Variants in TESMIN observed in about 807,000 individuals in gnomAD.
TESMIN encodes the protein testis expressed metallothionein like protein, also known as CXC domain containing 2.
A neutral mutation model predicts 47.4 loss-of-function variants in TESMIN; 34 were observed. The ratio of observed to expected loss-of-function variants is 0.72; its 90% CI spans 0.55 to 0.96. The LOEUF (loss-of-function observed/expected upper bound fraction) is 0.96, where lower values mean the gene tolerates loss of function less well. Among genes scored for constraint, TESMIN ranks in the 40% least tolerant of loss-of-function variants. The pLI is 0.00. For synonymous variants in TESMIN, 278 were observed against 258.9 expected, an observed-to-expected ratio of 1.07 and a Z score of -0.71; for missense variants, 610 against 637.2, an observed-to-expected ratio of 0.96 and a Z score of 0.46.
chr11:68,705,807 GA>G (rs1210228666), downstream of TESMIN, among the ~76,000 whole-genome samples: 19 of 152,136 alleles, frequency 1.2e-4, no homozygotes, highest in Non-Finnish European at 2.2e-4. Context: ...CGGATCACCT[GA>G]GATCAGGAGT....
At chr11:68,711,071 A>G (rs760729435) in intron 8 of TESMIN, 22 bp from the exon 9 acceptor site, 10 of 1,569,552 alleles carry the variant, frequency 6.4e-6, no homozygotes, top group Admixed American at 1.9e-5. Context: ...AAATGCTTCA[A>G]TAAAATTAGG....
In TESMIN at chr11:68,750,502, G is replaced by A; in HGVS notation, c.159C>T (p.Tyr53=). The change falls in exon 2 of 10, where the codon TAC becomes TAT. Residue 53 remains tyrosine (Y), a synonymous_variant. Transcript: ENST00000255087. ...GTTCCTTGGGGTCCGCCGGGCCCAGGTACGCTTCTTTGAAGACGTGGAACT... is the reference window on the plus strand; with the variant it reads ...GTTCCTTGGGGTCCGCCGGGCCCAGATACGCTTCTTTGAAGACGTGGAACT... ...EDEFHVFKEA[Y]LGPADPKEPV... 6.2e-7 allele frequency: 1 copy of A among 1,603,724 alleles called. No homozygotes were observed. The highest frequency in any genetic ancestry group is 1.1e-5 in the South Asian group (1 of 89,118).
At chr11:68,741,153 C>T (rs530409949) in intron 5 of TESMIN, among the ~76,000 whole-genome samples, 2 of 152,236 alleles carry the variant, frequency 1.3e-5, no homozygotes, top group South Asian at 2.1e-4. Context: ...ACAGGCTCAC[C>T]GTTCTCCTTG....
rs116299824 is a variant in TESMIN, at chr11:68,743,598, T to G, written c.752-1204A>C. Among the ~76,000 whole-genome samples the G allele has an allele frequency of 5.8e-3, 879 of 152,226 alleles. 10 individuals are homozygous for G. The highest frequency in any genetic ancestry group is 0.02 in the African/African-American group (820 of 41,522). On this transcript the variant is annotated intron_variant, in intron 4 of 9. Transcript: ENST00000255087. ...TTTTTCAAGTGGTTACTAAGTTGTT[T>G]GGATATAAATACTTACTAAGCTATT...
chr11:68,711,787 G>A (rs1419845510), intron 8 of TESMIN, among the ~76,000 whole-genome samples: 2 of 152,198 alleles, frequency 1.3e-5, no homozygotes, highest in African/African-American at 2.4e-5. Context: ...GACCTCTCCT[G>A]CTGCCTTGTG....
chr11:68,730,934 T>C (rs1160866893), intron 6 of TESMIN, among the ~76,000 whole-genome samples: 1 of 152,218 alleles, frequency 6.6e-6, no homozygotes, highest in Non-Finnish European at 1.5e-5. Context: ...TTCCCAACTT[T>C]TTATGGCTAC....
downstream of TESMIN, among the ~76,000 whole-genome samples, chr11:68,706,081 A>T (rs1487968475): frequency 6.6e-6 from 1 of 152,160 alleles, no homozygotes; most frequent in East Asian, 1.9e-4. Flanking sequence ...ACTCTCAAAT[A>T]AGAACATGAT....
chr11:68,738,031 G>A, intron 6 of TESMIN: 1 of 985,528 alleles, frequency 1.0e-6, no homozygotes, highest in Non-Finnish European at 1.2e-6. Flanking sequence ...AACGAATGGA[G>A]AGGGTTGCCC....
intron 1 of TESMIN, 68 bp from the exon 2 acceptor site, chr11:68,750,767 G>A: frequency 4.7e-6 from 3 of 638,672 alleles, no homozygotes. Flanking sequence ...CAGGAAAGGG[G>A]ACAGCCAAGG....
chr11:68,729,713 A>G (rs1946305678), intron 6 of TESMIN, among the ~76,000 whole-genome samples: 1 of 152,216 alleles, frequency 6.6e-6, no homozygotes, highest in African/African-American at 2.4e-5. Flanking sequence ...CCTCTTACAG[A>G]TGAGCAGAGA....
chr11:68,749,926 T>C (rs961477489), intron 2 of TESMIN, among the ~76,000 whole-genome samples: 2 of 152,156 alleles, frequency 1.3e-5, no homozygotes, highest in African/African-American at 4.8e-5. Context: ...TTGTCCGCCG[T>C]CTGCATGGTT....
intron 6 of TESMIN, among the ~76,000 whole-genome samples, chr11:68,734,583 A>C (rs1353817489): frequency 6.6e-6 from 1 of 152,208 alleles, no homozygotes; most frequent in Non-Finnish European, 1.5e-5. Flanking sequence ...CCCTGTGCCC[A>C]GTGGGGGCAT....
rs1371907017 is a variant in TESMIN, at chr11:68,708,139, G to C, written c.*169C>G. ...GGCCATGCACCTCCTCAGAAAAGGGGGCATGGGTTGCCACATCTTCAGAGA... is the reference window on the plus strand; with the variant it reads ...GGCCATGCACCTCCTCAGAAAAGGGCGCATGGGTTGCCACATCTTCAGAGA... On this transcript the variant is annotated 3_prime_UTR_variant, in exon 10 of 10. Coordinates refer to ENST00000255087, the MANE Select transcript of TESMIN (RefSeq NM_004923.3). 1 of 628,496 alleles carries C rather than the reference G, an allele frequency of 1.6e-6. No individual in the cohort carries two copies. Among genetic ancestry groups the C allele is most frequent in the Non-Finnish European group, 2.7e-6 (1 of 363,774 alleles). The allele number at this position is 628,496 out of a possible 1,614,324, so 38.9% of individuals were successfully genotyped here.
At position 68,738,758 on chromosome 11, in the gene TESMIN, C is replaced by T. The variant is rs377415066; in HGVS notation, c.859G>A (p.Gly287Arg). The T allele has an allele frequency of 3.2e-5, 52 of 1,614,004 alleles. No individual in the cohort carries two copies. The South Asian group carries it at 3.3e-4, about 10-fold the overall frequency. The change falls in exon 6 of 10, where the codon GGG becomes AGG. Residue 287 changes from glycine to arginine, a missense_variant. Transcript: ENST00000255087. ...LEGALPSVVN[G>R]SAFPSGSTLP... Reference sequence around the variant, plus strand: ...GTTGATCCCGAGGGGAAAGCAGACCCGTTGACTACCGATGGTAAGGCTCCC... The same window carrying T: ...GTTGATCCCGAGGGGAAAGCAGACCTGTTGACTACCGATGGTAAGGCTCCC...
At chr11:68,735,300 T>C (rs757480557) in intron 6 of TESMIN, among the ~76,000 whole-genome samples, 46 of 152,300 alleles carry the variant, frequency 3.0e-4, no homozygotes, top group Non-Finnish European at 5.7e-4. Flanking sequence ...TGCCCTGAGC[T>C]GGGGCACAGG....
chr11:68,750,135 T>A (rs1433754197), intron 2 of TESMIN, 55 bp downstream of exon 2: 1 of 1,340,068 alleles, frequency 7.5e-7, no homozygotes, highest in Non-Finnish European at 9.7e-7. Flanking sequence ...CAGCCTCAGA[T>A]GGGTTGGGGA....
intron 6 of TESMIN, among the ~76,000 whole-genome samples, chr11:68,734,839 C>T (rs991592879): frequency 5.9e-5 from 9 of 152,220 alleles, no homozygotes; most frequent in Non-Finnish European, 7.3e-5. Flanking sequence ...TCCGAGCGCC[C>T]GCACGCTCAG....
chr11:68,711,638 T>C (rs1946073712), intron 8 of TESMIN, among the ~76,000 whole-genome samples: 1 of 152,214 alleles, frequency 6.6e-6, no homozygotes, highest in South Asian at 2.1e-4. Flanking sequence ...CTGCCTTAGC[T>C]GATTATAAAA....
Position 68,744,945 on chromosome 11 carries a change from C to T in TESMIN, c.751+46G>A, listed in dbSNP as rs201348974. 1.5e-5 allele frequency: 22 copies of T among 1,446,336 alleles called. No homozygotes were observed. In the Middle Eastern group the frequency reaches 6.2e-4, roughly 41 times the overall value. 89.6% of individuals were successfully genotyped at this position (1,446,336 alleles called of 1,614,324 possible). A position where few individuals can be genotyped will look rare whatever the true frequency, so the allele number is the denominator to read the frequency against. On this transcript the variant is annotated intron_variant, in intron 4 of 9. Transcript: ENST00000255087. ...TACAAAGCCAAACATATTCATTTAC[C>T]AACTTACATATATGACATAGTTTTT...
Sources: allele counts gnomAD v4.1 joint callset (sites outside exome capture counted in the v4.1 genomes callset), GRCh38; gene constraint gnomAD v4.1.1; transcripts MANE v1.5; gene names NCBI Gene and HGNC (gene_info 2026-07-23, HGNC 2026-07-21).